ANK3: variants seen among roughly 807,000 people sequenced by gnomAD.
The protein encoded by ANK3 is ankyrin-3.
In ANK3, 57 loss-of-function variants were observed where a neutral mutation model predicts 370.9. That is an observed-to-expected ratio of 0.15 (90% CI 0.12 to 0.19). The LOEUF (loss-of-function observed/expected upper bound fraction) is 0.19. Among genes scored for constraint, ANK3 ranks in the 10% least tolerant of loss-of-function variants. The probability of loss-of-function intolerance (pLI) is 1.00; values close to 1 mark genes in which losing one functional copy is unlikely to be tolerated. For missense variants in ANK3, 4,439 were observed against 5,302.1 expected (o/e 0.84, Z 5.06); for synonymous variants, 1,929 against 1,946.3 (o/e 0.99, Z 0.23).
chr10:60,711,161 G>T (rs890425693), intron 1 of ANK3, among the ~76,000 whole-genome samples: 1 of 152,106 alleles, frequency 6.6e-6, no homozygotes. Context: ...AAATAGATGG[G>T]TAATGTAAGC....
chr10:60,475,926 G>A (rs1291875019), intron 2 of ANK3, among the ~76,000 whole-genome samples: 1 of 152,128 alleles, frequency 6.6e-6, no homozygotes, highest in East Asian at 1.9e-4. Context: ...CGCTTTAAAA[G>A]TAAGGGTTTA....
chr10:60,139,967 A>G (rs1041634858), intron 23 of ANK3: 1 of 215,250 alleles, frequency 4.6e-6, no homozygotes, highest in Non-Finnish European at 9.1e-6. Context: ...TTCCTTCCCC[A>G]CACAGGCAAA....
chr10:60,111,686 A>C (rs1361266083), intron 26 of ANK3: 2 of 449,512 alleles, frequency 4.4e-6, no homozygotes, highest in Non-Finnish European at 8.9e-6. Context: ...AATTCACATA[A>C]ATTAAAAATA....
At chr10:60,456,633 G>A (rs1283838991) in intron 2 of ANK3, among the ~76,000 whole-genome samples, 1 of 152,108 alleles carries the variant, frequency 6.6e-6, no homozygotes, top group African/African-American at 2.4e-5. Flanking sequence ...TTGAGGCACT[G>A]TGATCATCAA....
At chr10:60,482,408 A>C (rs750000129) in intron 2 of ANK3, among the ~76,000 whole-genome samples, 1 of 152,194 alleles carries the variant, frequency 6.6e-6, no homozygotes, top group Non-Finnish European at 1.5e-5. Context: ...GCTAATCTTC[A>C]ACCATTTTAA....
intron 25 of ANK3, among the ~76,000 whole-genome samples, chr10:60,127,419 G>A (rs1041668571): frequency 6.6e-6 from 1 of 152,120 alleles, no homozygotes; most frequent in African/African-American, 2.4e-5. Flanking sequence ...GGTGTATGCA[G>A]GCAAAACCAA....
chr10:60,553,124 C>T (rs971611384), intron 2 of ANK3, among the ~76,000 whole-genome samples: 8 of 152,166 alleles, frequency 5.3e-5, no homozygotes, highest in African/African-American at 1.9e-4. Flanking sequence ...TGATAAATTA[C>T]AATTATTGAA....
chr10:60,242,609 C>T (rs1043922026), intron 7 of ANK3, among the ~76,000 whole-genome samples: 1 of 152,188 alleles, frequency 6.6e-6, no homozygotes, highest in African/African-American at 2.4e-5. Flanking sequence ...TCTACACCCA[C>T]TTTCATGAGA....
intron 1 of ANK3, among the ~76,000 whole-genome samples, chr10:60,724,621 G>A (rs935671648): frequency 1.3e-5 from 2 of 152,014 alleles, no homozygotes; most frequent in African/African-American, 2.4e-5. Context: ...GTACTATATG[G>A]CACATCAGTC....
At chr10:60,621,086 G>T (rs1561851) in intron 1 of ANK3, among the ~76,000 whole-genome samples, 60,036 of 152,012 alleles carry the variant, frequency 0.39, 11,991 homozygotes, top group African/African-American at 0.43. Flanking sequence ...CCTGCAATCT[G>T]CTCTACTGAA....
At chr10:60,606,578 C>T (rs1225414446) in intron 2 of ANK3, among the ~76,000 whole-genome samples, 5 of 152,110 alleles carry the variant, frequency 3.3e-5, no homozygotes, top group African/African-American at 1.2e-4. Flanking sequence ...CCTTGCTATG[C>T]TTGTACTCAT....
chr10:60,278,639 C>T lies in ANK3; in HGVS notation c.414+135G>A, dbSNP rs1031689. On this transcript the variant is annotated intron_variant, in intron 4 of 43. Transcript: ENST00000280772. ...GCCCGCCTTTGCCTTCCAAAGTGTG[C>T]CAAATATAACTTTTTAAATATAGTT... 1.2e-5 allele frequency: 9 copies of T among 725,944 alleles called. No homozygotes were observed. The South Asian group carries it at 1.5e-4, about 12-fold the overall frequency. 45.0% of individuals were successfully genotyped at this position (725,944 alleles called of 1,614,324 possible).
chr10:60,724,182 C>G lies in ANK3; in HGVS notation c.57+9081G>C, dbSNP rs181608151. Among the ~76,000 whole-genome samples, 682 of 130,878 alleles carry G rather than the reference C, an allele frequency of 5.2e-3. 14 individuals carry two copies. Among genetic ancestry groups the G allele is most frequent in the African/African-American group, 0.019 (654 of 34,562 alleles). The allele number at this position is 130,878 out of a possible 152,430, so 85.9% of individuals were successfully genotyped here. On this transcript the variant is annotated intron_variant, in intron 1 of 43. Transcript: ENST00000373827. ...CCGAGATCGCGCCACTGCACTCCAG[C>G]CTGGGCGACAGAGCAAGACTCCGTC...
chr10:60,476,767 C>A (rs1269887101), intron 2 of ANK3, among the ~76,000 whole-genome samples: 1 of 152,136 alleles, frequency 6.6e-6, no homozygotes, highest in Non-Finnish European at 1.5e-5. Context: ...CAACCTAAGC[C>A]AGTCAATGGA....
intron 1 of ANK3, among the ~76,000 whole-genome samples, chr10:60,716,236 T>C (rs1442914179): frequency 6.6e-6 from 1 of 152,174 alleles, no homozygotes; most frequent in African/African-American, 2.4e-5. Context: ...AAATTAACTT[T>C]CTTGCCCTCT....
At chr10:60,634,660 C>G (rs2078528594) in intron 1 of ANK3, among the ~76,000 whole-genome samples, 1 of 152,084 alleles carries the variant, frequency 6.6e-6, no homozygotes, top group African/African-American at 2.4e-5. Context: ...GCTGTGGAAG[C>G]TTTGTTCTTT....
chr10:60,700,828 C>G (rs1267974057), intron 1 of ANK3, among the ~76,000 whole-genome samples: 2 of 151,974 alleles, frequency 1.3e-5, no homozygotes, highest in Non-Finnish European at 2.9e-5. Context: ...TGGAAGCCAT[C>G]TAAACACTAG....
chr10:60,610,130 A>C (rs1384191641), intron 2 of ANK3, among the ~76,000 whole-genome samples: 1 of 152,194 alleles, frequency 6.6e-6, no homozygotes, highest in Non-Finnish European at 1.5e-5. Context: ...ATACCCAAAG[A>C]CATGTACAGA....
At chr10:60,109,641 T>A (rs866777932) in intron 26 of ANK3, among the ~76,000 whole-genome samples, 4 of 152,194 alleles carry the variant, frequency 2.6e-5, no homozygotes, top group Admixed American at 1.3e-4. Flanking sequence ...GTTTTCAGTA[T>A]AAATATGGGC....
Sources: allele counts gnomAD v4.1 joint callset (sites outside exome capture counted in the v4.1 genomes callset), GRCh38; gene constraint gnomAD v4.1.1; transcripts MANE v1.5; gene names NCBI Gene and HGNC (gene_info 2026-07-23, HGNC 2026-07-21).